Variants in AGL observed in about 807,000 individuals in gnomAD.
AGL encodes the protein amylo-alpha-1,6-glucosidase and 4-alpha-glucanotransferase.
AGL carries 128 observed loss-of-function variants against 199.3 expected under a neutral mutation model. The ratio of observed to expected loss-of-function variants is 0.64; its 90% CI spans 0.56 to 0.74. The LOEUF (loss-of-function observed/expected upper bound fraction) is 0.74, where lower values mean the gene tolerates loss of function less well. Among genes scored for constraint, AGL ranks in the 30% least tolerant of loss-of-function variants. The pLI is 0.00. For synonymous variants in AGL, 584 were observed against 594.7 expected, an observed-to-expected ratio of 0.98 and a Z score of 0.26; for missense variants, 1,809 against 1,820.8, an observed-to-expected ratio of 0.99 and a Z score of 0.12.
intron 7 of AGL, among the ~76,000 whole-genome samples, chr1:99,871,754 C>G (rs958375178): frequency 2.0e-5 from 3 of 152,080 alleles, no homozygotes; most frequent in Non-Finnish European, 4.4e-5. Context: ...TAAAGGGCCT[C>G]TATCTTCCCT....
intron 22 of AGL, 88 bp downstream of exon 22, chr1:99,891,444 A>G (rs1652893673): frequency 3.9e-6 from 6 of 1,539,376 alleles, no homozygotes; most frequent in South Asian, 1.1e-5. Flanking sequence ...ATTGTTTTCT[A>G]ACCTGAACCA....
rs71075465 is a variant in AGL at position 99,907,693 on chromosome 1, G to GTTTTTTTTTTTT, written c.3701-3011_3701-3010insTTTTTTTTTTTT. Among the ~76,000 whole-genome samples the GTTTTTTTTTTTT allele has an allele frequency of 5.9e-5, 7 of 118,972 alleles. 1 individual carries two copies. The highest frequency in any genetic ancestry group is 5.4e-4 in the East Asian group (2 of 3,682). The allele number at this position is 118,972 out of a possible 152,430, so 78.1% of individuals were successfully genotyped here. A position where few individuals can be genotyped will look rare whatever the true frequency, so the allele number is the denominator to read the frequency against. On this transcript the variant is annotated intron_variant, in intron 27 of 33. Transcript: ENST00000361915. ...TTTTGTTCGTTTGTTTTTGTTTTTT[G>GTTTTTTTTTTTT]TTTTTTTTGCTAGTAGCCATCCTAA...
intron 14 of AGL, 99 bp from the exon 15 acceptor site, chr1:99,880,977 A>G (rs939746037): frequency 1.6e-6 from 2 of 1,248,702 alleles, no homozygotes; most frequent in South Asian, 2.5e-5. Context: ...TACCTTATGA[A>G]TTTATTTATG....
intron 2 of AGL, among the ~76,000 whole-genome samples, chr1:99,859,876 T>C (rs1451523175): frequency 6.6e-6 from 1 of 152,242 alleles, no homozygotes; most frequent in East Asian, 1.9e-4. Context: ...ATAATGGCTT[T>C]ACAATATGCC....
intron 13 of AGL, among the ~76,000 whole-genome samples, 193 bp downstream of exon 13, chr1:99,880,239 T>TA (rs1651903010): frequency 6.6e-6 from 1 of 152,228 alleles, no homozygotes; most frequent in Non-Finnish European, 1.5e-5. Context: ...TGGGGTAAGA[T>TA]ACCTCATTTC....
At chr1:99,896,565 T>G (rs1653342433) in intron 25 of AGL, among the ~76,000 whole-genome samples, 177 bp downstream of exon 25, 1 of 152,188 alleles carries the variant, frequency 6.6e-6, no homozygotes, top group South Asian at 2.1e-4. Context: ...TTCAAAGGGG[T>G]GAAAATCTTT....
At chr1:99,910,967 C>A (rs370275144) in intron 28 of AGL, 120 bp downstream of exon 28, 2 of 1,017,944 alleles carry the variant, frequency 2.0e-6, no homozygotes, top group Non-Finnish European at 3.0e-6. Flanking sequence ...AATTTCCCTG[C>A]CTTCTTCCCT....
chr1:99,888,691 A>T (rs1485625613), intron 21 of AGL, among the ~76,000 whole-genome samples: 1 of 152,176 alleles, frequency 6.6e-6, no homozygotes, highest in Non-Finnish European at 1.5e-5. Flanking sequence ...TATCAGTTTT[A>T]TTCATCTAGT....
At chr1:99,910,942 C>A in intron 28 of AGL, 95 bp downstream of exon 28, 1 of 1,349,364 alleles carries the variant, frequency 7.4e-7, no homozygotes, top group Non-Finnish European at 1.0e-6. Flanking sequence ...GAACTCTTTA[C>A]ATTAAGTCAA....
chr1:99,914,000 A>G (rs1654936076), intron 30 of AGL, among the ~76,000 whole-genome samples: 1 of 152,120 alleles, frequency 6.6e-6, no homozygotes, highest in South Asian at 2.1e-4. Context: ...GAGCACACAT[A>G]GAAGATGTTA....
chr1:99,883,006 C>G (rs538472346), intron 17 of AGL, among the ~76,000 whole-genome samples: 2 of 152,242 alleles, frequency 1.3e-5, no homozygotes, highest in East Asian at 3.9e-4. Context: ...ACAATATTAT[C>G]TCAGGTTTTG....
intron 17 of AGL, 103 bp downstream of exon 17, chr1:99,881,794 AAC>A (rs1557764911): frequency 2.7e-6 from 3 of 1,125,720 alleles, no homozygotes; most frequent in Non-Finnish European, 3.7e-6. Flanking sequence ...TATATATTAT[AAC>A]ACAGTGCTAC....
At chr1:99,909,975 T>C (rs1246481419) in intron 27 of AGL, among the ~76,000 whole-genome samples, 1 of 152,234 alleles carries the variant, frequency 6.6e-6, no homozygotes, top group Non-Finnish European at 1.5e-5. Flanking sequence ...GTTTTGAGAT[T>C]ATACACAGAT....
chr1:99,903,112 A>G (rs181175924), intron 27 of AGL, among the ~76,000 whole-genome samples: 27 of 152,250 alleles, frequency 1.8e-4, no homozygotes, highest in Admixed American at 5.2e-4. Context: ...TCCCCAAAAC[A>G]TTGAGAATGA....
rs372666442 is a variant in AGL at position 99,902,833 on chromosome 1, G to A, written c.3700+39G>A. On this transcript the variant is annotated intron_variant, in intron 27 of 33. Coordinates refer to ENST00000361915, the MANE Select transcript of AGL (RefSeq NM_000642.3). ...ACTAAAATAGTACAAATTTATCAAG[G>A]TGATGAAATTAAACCTTGCAATTGT... The A allele has an allele frequency of 4.1e-6, 6 of 1,472,330 alleles. No individual in the cohort carries two copies. In the African/African-American group the frequency reaches 8.3e-5, roughly 20 times the overall value. The allele number at this position is 1,472,330 out of a possible 1,614,324, so 91.2% of individuals were successfully genotyped here. A position where few individuals can be genotyped will look rare whatever the true frequency, so the allele number is the denominator to read the frequency against.
At chr1:99,874,611 A>C in intron 7 of AGL, 76 bp from the exon 8 acceptor site, 1 of 1,414,636 alleles carries the variant, frequency 7.1e-7, no homozygotes, top group Non-Finnish European at 9.7e-7. Context: ...TTATAGGCCA[A>C]AAATTAGAAA....
At chr1:99,864,978 C>T (rs937112323) in intron 5 of AGL, among the ~76,000 whole-genome samples, 4 of 152,106 alleles carry the variant, frequency 2.6e-5, no homozygotes, top group African/African-American at 9.7e-5. Flanking sequence ...TTCCAGAAAT[C>T]AGCAATTCAT....
intron 12 of AGL, 67 bp from the exon 13 acceptor site, chr1:99,879,856 T>G: frequency 7.4e-7 from 1 of 1,358,196 alleles, no homozygotes; most frequent in East Asian, 2.3e-5. Context: ...TCTCTTTCCT[T>G]CCTCCTATCT....
intron 24 of AGL, among the ~76,000 whole-genome samples, chr1:99,894,202 T>G (rs926559316): frequency 1.3e-5 from 2 of 151,026 alleles, no homozygotes; most frequent in African/African-American, 4.9e-5. Flanking sequence ...AAAAAAAAAA[T>G]TTGTAGCCTG....
Sources: gnomAD v4.1 joint callset for allele counts (sites outside exome capture counted in the v4.1 genomes callset) on GRCh38, gnomAD v4.1.1 for gene constraint, MANE v1.5 for transcripts, NCBI Gene and HGNC (gene_info 2026-07-23, HGNC 2026-07-21) for gene names.